CTRL: variants seen among roughly 807,000 people sequenced by gnomAD.
CTRL encodes the protein chymotrypsin-like protease CTRL-1.
In CTRL, 38 loss-of-function variants were observed where a neutral mutation model predicts 35.5. The ratio of observed to expected loss-of-function variants is 1.07; its 90% CI spans 0.83 to 1.40. The LOEUF is 1.40. CTRL is among the 40% of genes most tolerant of loss of function. The pLI, the probability that CTRL is intolerant of heterozygous loss-of-function variation, is 0.00. For synonymous variants in CTRL, 155 were observed against 141.1 expected (o/e 1.10, Z -0.70); for missense variants, 327 against 342.9 (o/e 0.95, Z 0.37).
At position 67,929,818 on chromosome 16, in the gene CTRL, G is replaced by A. The variant is rs1567403694; in HGVS notation, c.*116C>T. ...CTTCTGTGCCAGAAGTCCAAGTAGG[G>A]AGTCGGACCCTCAACAGCCTCTTCT... is the stretch of plus-strand genomic sequence containing the variant. On this transcript the variant is annotated 3_prime_UTR_variant, in exon 7 of 7. Coordinates refer to ENST00000574481, the MANE Select transcript of CTRL (RefSeq NM_001907.3). 7.0e-6 allele frequency: 8 copies of A among 1,138,528 alleles called. No homozygotes were observed. In the South Asian group the frequency reaches 7.1e-5, roughly 10 times the overall value. The allele number at this position is 1,138,528 out of a possible 1,614,324, so 70.5% of individuals were successfully genotyped here. A position where few individuals can be genotyped will look rare whatever the true frequency, so the allele number is the denominator to read the frequency against.
Position 67,930,126 on chromosome 16 carries a change from A to AG in CTRL, c.634-32dup, listed in dbSNP as rs747900569. ...AGGGAAGAGGGAGGGAGAATTGAGT[A>AG]GGGGGGGTTGGGGAGGTATACCACA... is the stretch of plus-strand genomic sequence containing the variant. On this transcript the variant is annotated intron_variant, in intron 6 of 6. Coordinates refer to ENST00000574481, the MANE Select transcript of CTRL (RefSeq NM_001907.3). The surrounding 1 kb of genome is among the most constrained non-coding windows in gnomAD (Gnocchi z 4.3). 1.4e-5 allele frequency: 22 copies of AG among 1,613,316 alleles called. No individual in the cohort carries two copies. Among genetic ancestry groups the AG allele is most frequent in the South Asian group, 8.8e-5 (8 of 91,074 alleles).
In CTRL at chr16:67,930,854, G is replaced by C. The variant is rs1195538805; in HGVS notation, c.237-47C>G. On this transcript the variant is annotated intron_variant, in intron 3 of 6. Transcript: ENST00000574481. The surrounding 1 kb of genome is among the most constrained non-coding windows in gnomAD (Gnocchi z 4.3). ...CAGCTGCAGGGAGGCCAGCGCGAGAGGGGGACAGCCAGGGGAGGAGGCAGG... is the reference window on the plus strand; with the variant it reads ...CAGCTGCAGGGAGGCCAGCGCGAGACGGGGACAGCCAGGGGAGGAGGCAGG... 22 of 1,613,062 alleles carry C rather than the reference G, an allele frequency of 1.4e-5. No individual in the cohort carries two copies. Among genetic ancestry groups the C allele is most frequent in the African/African-American group, 4.0e-5 (3 of 74,910 alleles).
rs1052591233 is a variant in CTRL at position 67,929,883 on chromosome 16, G to A, written c.*51C>T. On this transcript the variant is annotated 3_prime_UTR_variant, in exon 7 of 7. Transcript: ENST00000574481. ...GAAGACAGACATGAATGCATGATGG[G>A]ACAGGGCCTGGGTCTTTAATGGGTT... is the stretch of plus-strand genomic sequence containing the variant. The A allele has an allele frequency of 2.5e-6, 4 of 1,583,398 alleles. No homozygotes were observed. The highest frequency in any genetic ancestry group is 1.7e-4 in the Middle Eastern group (1 of 5,894).
intron 2 of CTRL, 28 bp from the exon 3 acceptor site, chr16:67,931,027 G>T (rs375474422): frequency 6.2e-7 from 1 of 1,613,662 alleles, no homozygotes; most frequent in East Asian, 2.2e-5. Flanking sequence ...AGGTCAGAGT[G>T]GGGGTGGGCT....
rs747685854 is a variant in CTRL, at chr16:67,929,928, G to A, written c.*6C>T. 1 of 1,613,148 alleles carries A rather than the reference G, an allele frequency of 6.2e-7. No individual in the cohort carries two copies. Among genetic ancestry groups the A allele is most frequent in the South Asian group, 1.1e-5 (1 of 91,078 alleles). ...TGGGTTGAGCTGGGGAGGGCCTGTG[G>A]TGAGCTCAGTTGTAGGCTATGACCT... is the stretch of plus-strand genomic sequence containing the variant. On this transcript the variant is annotated 3_prime_UTR_variant, in exon 7 of 7. Transcript: ENST00000574481.
Position 67,930,506 on chromosome 16 carries a change from G to A in CTRL, c.401C>T (p.Thr134Ile). The A allele has an allele frequency of 1.2e-6, 2 of 1,614,184 alleles. No homozygotes were observed. The highest frequency in any genetic ancestry group is 1.7e-6 in the Non-Finnish European group (2 of 1,180,030). ...LLKLASPAQY[T>I]TRISPVCLAS... is the part of the protein sequence containing the mutation. ...CAGGCAAACTGGCGAGATGCGTGTT[G>A]TGTACTGGGCTGGCGAGGCGAGCTT... Residue 134 changes from threonine (T) to isoleucine (I), a missense_variant, in exon 5 of 7, where the codon ACA becomes ATA. Thr to Ile is a moderately conservative substitution (Grantham distance 89). Coordinates refer to ENST00000574481, the MANE Select transcript of CTRL (RefSeq NM_001907.3). The surrounding 1 kb of genome is among the most constrained non-coding windows in gnomAD (Gnocchi z 4.3).
rs771066536 is a variant in CTRL at position 67,931,153 on chromosome 16, A to G, written c.101T>C (p.Ile34Thr). 5 of 1,613,970 alleles carry G rather than the reference A, an allele frequency of 3.1e-6. No individual in the cohort carries two copies. In the Admixed American group the frequency reaches 6.7e-5, roughly 22 times the overall value. The change falls in exon 2 of 7, where the codon ATT becomes ACT. Residue 34 changes from isoleucine (I) to threonine (T), a missense_variant. Coordinates refer to ENST00000574481, the MANE Select transcript of CTRL (RefSeq NM_001907.3). The part of the protein sequence containing the change: ...IKPALSFSQR[I>T]VNGENAVLGS... ...CAACACTGCATTCTCCCCGTTGACA[A>G]TCCTCTGGCTGAAGCTCAGTGCCGG... is the stretch of plus-strand genomic sequence containing the variant.
Position 67,930,840 on chromosome 16 carries a change from A to T in CTRL, c.237-33T>A, listed in dbSNP as rs371439204. Reference sequence around the variant, plus strand: ...GGGGTGGGATTAGGCAGCTGCAGGGAGGCCAGCGCGAGAGGGGGACAGCCA... The same window carrying T: ...GGGGTGGGATTAGGCAGCTGCAGGGTGGCCAGCGCGAGAGGGGGACAGCCA... On this transcript the variant is annotated intron_variant, in intron 3 of 6. Transcript: ENST00000574481. This position sits in a 1 kb window ranked among gnomAD's most constrained non-coding sequence, Gnocchi z 4.3. 193 of 1,613,212 alleles carry T rather than the reference A, an allele frequency of 1.2e-4. 1 individual carries two copies. The highest frequency in any genetic ancestry group is 5.5e-5 in the Non-Finnish European group (65 of 1,179,608).
chr16:67,931,271 C>T, intron 1 of CTRL, 70 bp from the exon 2 acceptor site: 6 of 1,521,666 alleles, frequency 3.9e-6, no homozygotes, highest in Non-Finnish European at 4.5e-6. Flanking sequence ...CTTTTGGGTG[C>T]CCCAGGCTGT....
rs1054518787 is a variant in CTRL at position 67,931,097 on chromosome 16, C to G, written c.156+1G>C. The stretch of plus-strand genomic sequence containing the variant: ...CCCTGCCCACCCCTCTGGTGGTGTA[C>G]CTGCAGGGACACCTGCCAGGGCCAG... On this transcript the variant is annotated splice_donor_variant, in intron 2 of 6. Transcript: ENST00000574481. LOFTEE classifies it high-confidence loss of function. The G allele has an allele frequency of 4.3e-6, 7 of 1,613,864 alleles. No individual in the cohort carries two copies. In the African/African-American group the frequency reaches 8.0e-5, roughly 18 times the overall value.
chr16:67,931,295 G>A (rs2058240685), intron 1 of CTRL, 94 bp from the exon 2 acceptor site: 1 of 1,265,766 alleles, frequency 7.9e-7, no homozygotes, highest in Middle Eastern at 2.0e-4. Flanking sequence ...CCCCAGAGAG[G>A]TCTGTCGAGA....
At position 67,930,835 on chromosome 16, in the gene CTRL, C is replaced by T; in HGVS notation, c.237-28G>A. The T allele has an allele frequency of 8.1e-6, 13 of 1,613,426 alleles. No homozygotes were observed. The highest frequency in any genetic ancestry group is 1.1e-5 in the Non-Finnish European group (13 of 1,179,654). On this transcript the variant is annotated intron_variant, in intron 3 of 6. Coordinates refer to ENST00000574481, the MANE Select transcript of CTRL (RefSeq NM_001907.3). The surrounding 1 kb of genome is among the most constrained non-coding windows in gnomAD (Gnocchi z 4.3). ...GCAAGGGGGTGGGATTAGGCAGCTG[C>T]AGGGAGGCCAGCGCGAGAGGGGGAC...
At chr16:67,931,353 G>A in intron 1 of CTRL, 152 bp from the exon 2 acceptor site, 1 of 688,220 alleles carries the variant, frequency 1.5e-6, no homozygotes, top group Non-Finnish European at 2.5e-6. Context: ...AAGCACCTTC[G>A]GGCCCCACAG....
chr16:67,930,793 A>G lies in CTRL; in HGVS notation c.251T>C (p.Phe84Ser). ...TCGGTCATACTCGCCCAGGACAACA[A>G]AATGGCGGCCAGGGCTGCAAGGGGG... ...AHCNVSPGRH[F>S]VVLGEYDRSS... Residue 84 changes from phenylalanine to serine, a missense_variant, in exon 4 of 7, where the codon TTT becomes TCT. Physicochemically the swap from Phe to Ser is radical, Grantham distance 155. Coordinates refer to ENST00000574481, the MANE Select transcript of CTRL (RefSeq NM_001907.3). The surrounding 1 kb of genome is among the most constrained non-coding windows in gnomAD (Gnocchi z 4.3). 3 of 1,614,062 alleles carry G rather than the reference A, an allele frequency of 1.9e-6. No individual in the cohort carries two copies. The highest frequency in any genetic ancestry group is 2.5e-6 in the Non-Finnish European group (3 of 1,179,978).
At position 67,931,814 on chromosome 16, in the gene CTRL, G is replaced by A. The variant is rs549304518; in HGVS notation, c.39C>T (p.Leu13=). 47 of 1,570,054 alleles carry A rather than the reference G, an allele frequency of 3.0e-5. No homozygotes were observed. The Middle Eastern group carries it at 5.0e-4, about 17-fold the overall frequency. ...LLSLTLSLVL[L]GSSWGCGIPA... Reference sequence around the variant, plus strand: ...TGGCCCACTCACCCCAGGAGGAGCCGAGGAGAACCAGGCTTAGGGTCAGGC... The same window carrying A: ...TGGCCCACTCACCCCAGGAGGAGCCAAGGAGAACCAGGCTTAGGGTCAGGC... The change falls in exon 1 of 7, where the codon CTC becomes CTT. Residue 13 remains leucine (L), a synonymous_variant. Coordinates refer to ENST00000574481, the MANE Select transcript of CTRL (RefSeq NM_001907.3).
chr16:67,930,460 CAG>C lies in CTRL; in HGVS notation c.445_446del (p.Leu149AspfsTer2), dbSNP rs772089153. 1 of 1,614,160 alleles carries C rather than the reference CAG, an allele frequency of 6.2e-7. No individual in the cohort carries two copies. Among genetic ancestry groups the C allele is most frequent in the Non-Finnish European group, 8.5e-7 (1 of 1,180,034 alleles). On this transcript the variant is annotated frameshift_variant, in exon 5 of 7. Coordinates refer to ENST00000574481, the MANE Select transcript of CTRL (RefSeq NM_001907.3). LOFTEE classifies it high-confidence loss of function. This position sits in a 1 kb window ranked among gnomAD's most constrained non-coding sequence, Gnocchi z 4.3. ...PVCLASSNEA[L>X]TEGLTCVTTG... The stretch of plus-strand genomic sequence containing the variant: ...TGGTGACACACGTGAGGCCTTCAGT[CAG>C]AGCCTCGTTTGAGGATGCCAGGCAA...
Position 67,930,971 on chromosome 16 carries a change from C to G in CTRL, c.185G>C (p.Gly62Ala). Residue 62 changes from glycine (G) to alanine (A), a missense_variant, in exon 3 of 7, where the codon GGT becomes GCT. Transcript: ENST00000574481. The surrounding 1 kb of genome is among the most constrained non-coding windows in gnomAD (Gnocchi z 4.3). ...QDSSGFHFCG[G>A]SLISQSWVVT... ...CACCCAGGACTGGCTGATGAGAGAA[C>G]CACCGCAGAAGTGGAAGCCGCTGCT... The G allele has an allele frequency of 6.2e-7, 1 of 1,613,914 alleles. No individual in the cohort carries two copies. Among genetic ancestry groups the G allele is most frequent in the Non-Finnish European group, 8.5e-7 (1 of 1,180,010 alleles).
chr16:67,930,083 C>T lies in CTRL; in HGVS notation c.646G>A (p.Gly216Ser), dbSNP rs756976205. Residue 216 changes from glycine (G) to serine (S), a missense_variant, in exon 7 of 7, where the codon GGC (glycine) becomes AGC (serine). Transcript: ENST00000574481. This position sits in a 1 kb window ranked among gnomAD's most constrained non-coding sequence, Gnocchi z 4.3. ...GASSCQGDSGGPLVCQKGNTW... is the reference protein window; with the variant it reads ...GASSCQGDSGSPLVCQKGNTW... Reference sequence around the variant, plus strand: ...TTTCCCTTCTGGCAGACAAGAGGGCCTCCGGAGTCACCCTGAGAGGGAAGA... The same window carrying T: ...TTTCCCTTCTGGCAGACAAGAGGGCTTCCGGAGTCACCCTGAGAGGGAAGA... 3 of 1,614,096 alleles carry T rather than the reference C, an allele frequency of 1.9e-6. No individual in the cohort carries two copies. The South Asian group carries it at 3.3e-5, about 18-fold the overall frequency.
intron 1 of CTRL, chr16:67,931,406 G>A: frequency 1.6e-6 from 1 of 617,964 alleles, no homozygotes; most frequent in Non-Finnish European, 2.9e-6. Flanking sequence ...CAGCCCTGCT[G>A]TTCTCCTACA....
Sources: allele counts gnomAD v4.1 joint callset, GRCh38; gene constraint gnomAD v4.1.1; non-coding constraint Gnocchi (gnomAD v3.1); transcripts MANE v1.5; gene names NCBI Gene and HGNC (gene_info 2026-07-23, HGNC 2026-07-21).